MMP26: variants seen among roughly 807,000 people sequenced by gnomAD.
The protein encoded by MMP26 is matrix metallopeptidase 26, also known as matrix metalloproteinase-26.
Under a neutral mutation model 31.0 loss-of-function variants are expected in MMP26, and 33 were observed. That is an observed-to-expected ratio of 1.06 (90% confidence interval 0.81 to 1.42). The LOEUF is 1.42. Ranked by LOEUF, MMP26 falls within the 40% of genes most tolerant of loss-of-function variation. The probability of loss-of-function intolerance (pLI) is 0.00; values close to 1 mark genes in which losing one functional copy is unlikely to be tolerated. For synonymous variants in MMP26, 122 were observed against 114.9 expected (o/e 1.06, Z -0.40); for missense variants, 347 against 316.1 (o/e 1.10, Z -0.74).
chr11:4,806,687 G>T (rs1849275067), intron 2 of MMP26, among the ~76,000 whole-genome samples: 1 of 152,148 alleles, frequency 6.6e-6, no homozygotes, highest in Non-Finnish European at 1.5e-5. Context: ...CAGACTGGGA[G>T]AAATAGGGCT....
chr11:4,835,416 G>A (rs975069747), intron 2 of MMP26, among the ~76,000 whole-genome samples: 1 of 141,194 alleles, frequency 7.1e-6, no homozygotes, highest in African/African-American at 2.9e-5. Context: ...GTGCTGTTAA[G>A]AAATTTTTTT....
chr11:4,882,894 T>G, intron 2 of MMP26: 1 of 1,600,358 alleles, frequency 6.2e-7, no homozygotes, highest in East Asian at 2.2e-5. Flanking sequence ...AGGTAGGAAA[T>G]TGTCAGGACA....
Position 4,988,290 on chromosome 11 carries a change from A to G in MMP26, c.79A>G (p.Lys27Glu). 6.2e-7 allele frequency: 1 copy of G among 1,613,950 alleles called. No individual in the cohort carries two copies. The highest frequency in any genetic ancestry group is 2.2e-5 in the East Asian group (1 of 44,864). Residue 27 changes from lysine to glutamate, a missense_variant, in exon 3 of 8, where the codon AAA becomes GAA. Coordinates refer to ENST00000380390, the MANE Select transcript of MMP26 (RefSeq NM_021801.5). ...TCCAGTGCCCCCTGCTGCAGACCATAAAGGATGGGACTTTGTTGAGGTAGG... is the reference window on the plus strand; with the variant it reads ...TCCAGTGCCCCCTGCTGCAGACCATGAAGGATGGGACTTTGTTGAGGTAGG... ...AVPVPPAADHKGWDFVEGYFH... is the reference protein window; with the variant it reads ...AVPVPPAADHEGWDFVEGYFH...
At chr11:4,751,909 G>T (rs1186489837) in intron 1 of MMP26, 3 of 152,126 alleles carry the variant, frequency 2.0e-5, no homozygotes, top group Non-Finnish European at 2.9e-5. Context: ...ACATTGTGGA[G>T]ACATTTGAAT....
At chr11:4,819,497 A>G (rs1328882602) in intron 2 of MMP26, among the ~76,000 whole-genome samples, 1 of 150,982 alleles carries the variant, frequency 6.6e-6, no homozygotes, top group African/African-American at 2.4e-5. Flanking sequence ...AGGGAGAGAA[A>G]ATTTCCAGAA....
chr11:4,916,477 T>G (rs1379059384), intron 2 of MMP26, among the ~76,000 whole-genome samples: 1 of 152,212 alleles, frequency 6.6e-6, no homozygotes, highest in Non-Finnish European at 1.5e-5. Flanking sequence ...CACCTTCTTT[T>G]CTTTTCCTTT....
At chr11:4,729,035 A>T (rs960466849) in intron 1 of MMP26, among the ~76,000 whole-genome samples, 2 of 151,812 alleles carry the variant, frequency 1.3e-5, no homozygotes, top group South Asian at 4.1e-4. Flanking sequence ...TTTGCATAAA[A>T]AATCATCTCC....
At chr11:4,814,832 T>A (rs551873156) in intron 2 of MMP26, among the ~76,000 whole-genome samples, 1 of 152,312 alleles carries the variant, frequency 6.6e-6, no homozygotes, top group African/African-American at 2.4e-5. Flanking sequence ...TAATTCTGCA[T>A]ATAGTTGTGA....
chr11:4,978,567 G>T (rs185822717), intron 2 of MMP26, among the ~76,000 whole-genome samples: 2 of 152,060 alleles, frequency 1.3e-5, no homozygotes, highest in African/African-American at 4.8e-5. Flanking sequence ...AAATGGAAGC[G>T]ATGTTTAGTA....
chr11:4,786,362 T>C (rs1294178250), intron 2 of MMP26, among the ~76,000 whole-genome samples: 1 of 152,188 alleles, frequency 6.6e-6, no homozygotes, highest in African/African-American at 2.4e-5. Flanking sequence ...TTCCCATCTC[T>C]GGCTCTCACA....
intron 1 of MMP26, among the ~76,000 whole-genome samples, chr11:4,716,150 A>T (rs1847927699): frequency 6.6e-6 from 1 of 152,190 alleles, no homozygotes; most frequent in African/African-American, 2.4e-5. Context: ...CGGCAATCTG[A>T]GTGAGGATTG....
chr11:4,812,514 G>A lies in MMP26; in HGVS notation c.-145+45173G>A, dbSNP rs528001177. 7.2e-4 allele frequency among the ~76,000 whole-genome samples: 109 copies of A among 152,252 alleles called. 1 individual carries two copies. The highest frequency in any genetic ancestry group is 2.5e-3 in the African/African-American group (104 of 41,544). ...AATGATTCAAGGGGAAAAGTAGGCA[G>A]AAAGGAGAAGGGGAAAGAAAAAAAG... On this transcript the variant is annotated intron_variant, in intron 2 of 7. Transcript: ENST00000380390.
chr11:4,846,236 T>G (rs1849864799), intron 2 of MMP26, among the ~76,000 whole-genome samples: 1 of 152,140 alleles, frequency 6.6e-6, no homozygotes. Context: ...ATGAATGAGA[T>G]CCTATCATTT....
intron 2 of MMP26, among the ~76,000 whole-genome samples, chr11:4,864,113 G>A (rs1467244672): frequency 6.6e-6 from 1 of 152,130 alleles, no homozygotes; most frequent in African/African-American, 2.4e-5. Flanking sequence ...GGAGTCTACT[G>A]TTGTTTGGAA....
chr11:4,792,346 G>A (rs1443861174), intron 2 of MMP26, among the ~76,000 whole-genome samples: 1 of 152,060 alleles, frequency 6.6e-6, no homozygotes, highest in Non-Finnish European at 1.5e-5. Flanking sequence ...TTTTTAACGG[G>A]CCTAAGTACA....
intron 1 of MMP26, among the ~76,000 whole-genome samples, chr11:4,707,506 C>T (rs991667630): frequency 3.9e-5 from 6 of 152,124 alleles, no homozygotes; most frequent in Admixed American, 6.5e-5. Context: ...GAGGCTGCTT[C>T]CTCATTTTTA....
At chr11:4,943,814 T>G (rs778921386) in intron 2 of MMP26, 1 of 437,514 alleles carries the variant, frequency 2.3e-6, no homozygotes, top group South Asian at 1.7e-5. Flanking sequence ...CCCATTGAGA[T>G]TTATGTATCT....
chr11:4,711,569 C>T (rs1344110844), intron 1 of MMP26: 10 of 152,158 alleles, frequency 6.6e-5, no homozygotes, highest in African/African-American at 2.4e-5. Context: ...TCCAGTGGGT[C>T]TTCACAGATC....
chr11:4,866,506 G>A lies in MMP26; in HGVS notation c.-145+99165G>A, dbSNP rs184066337. 6.4e-4 allele frequency among the ~76,000 whole-genome samples: 97 copies of A among 152,186 alleles called. 1 individual carries two copies. Among genetic ancestry groups the A allele is most frequent in the Middle Eastern group, 3.4e-3 (1 of 294 alleles). Reference sequence around the variant, plus strand: ...TCAATATCATGAAAATGGTCATACTGTCCAAAGCAATTTATAGATTCAATG... The same window carrying A: ...TCAATATCATGAAAATGGTCATACTATCCAAAGCAATTTATAGATTCAATG... On this transcript the variant is annotated intron_variant, in intron 2 of 7. Transcript: ENST00000380390.
Sources: allele counts gnomAD v4.1 joint callset (sites outside exome capture counted in the v4.1 genomes callset), GRCh38; gene constraint gnomAD v4.1.1; transcripts MANE v1.5; gene names NCBI Gene and HGNC (gene_info 2026-07-23, HGNC 2026-07-21).